Variants in NNMT observed in about 807,000 individuals in gnomAD.
NNMT encodes the protein nicotinamide N-methyltransferase.
In NNMT, 10 loss-of-function variants were observed where a neutral mutation model predicts 11.7. The observed-to-expected ratio is 0.85, with a 90% CI of 0.53 to 1.45. The LOEUF is 1.45. Among genes scored for constraint, NNMT ranks in the 40% most tolerant of loss-of-function variants. The pLI, the probability that NNMT is intolerant of heterozygous loss-of-function variation, is 0.00. For synonymous variants in NNMT, 143 were observed against 133.8 expected, an observed-to-expected ratio of 1.07 and a Z score of -0.48; for missense variants, 381 against 319.4, an observed-to-expected ratio of 1.19 and a Z score of -1.47.
In NNMT at chr11:114,281,161, T is replaced by G. The variant is rs1007603182; in HGVS notation, c.-129-15267T>G. ...GAGAATTCTTCCAGCCTCTCTCTGC[T>G]GTAGTAAAAACCTCCTTAAAACCCA... On this transcript the variant is annotated intron_variant, in intron 2 of 4. Coordinates refer to the NNMT transcript ENST00000535401. Among the ~76,000 whole-genome samples the G allele has an allele frequency of 9.2e-5, 14 of 152,140 alleles. 1 individual carries two copies. Among genetic ancestry groups the G allele is most frequent in the Admixed American group, 7.9e-4 (12 of 15,282 alleles).
chr11:114,287,176 T>G (rs1945306015), intron 2 of NNMT, among the ~76,000 whole-genome samples: 1 of 152,210 alleles, frequency 6.6e-6, no homozygotes, highest in South Asian at 2.1e-4. Context: ...TGTAGTATCT[T>G]TTCCCTCTCT....
intron 2 of NNMT, among the ~76,000 whole-genome samples, chr11:114,272,034 A>G (rs1945173645): frequency 6.6e-6 from 1 of 152,124 alleles, no homozygotes. Context: ...AACTTCCTTC[A>G]TTGGCTGTTC....
At chr11:114,311,440 C>T (rs1008994177) in intron 2 of NNMT, among the ~76,000 whole-genome samples, 1 of 152,242 alleles carries the variant, frequency 6.6e-6, no homozygotes, top group Non-Finnish European at 1.5e-5. Context: ...AACATACTAT[C>T]TGCAATATTT....
chr11:114,308,837 A>G (rs183464138), intron 2 of NNMT, among the ~76,000 whole-genome samples: 80 of 152,232 alleles, frequency 5.3e-4, no homozygotes, highest in African/African-American at 1.9e-3. Flanking sequence ...CTGTGTGTCC[A>G]AGGACAAGCA....
intron 1 of NNMT, among the ~76,000 whole-genome samples, chr11:114,258,877 G>A (rs751712046): frequency 6.7e-6 from 1 of 149,844 alleles, no homozygotes; most frequent in Non-Finnish European, 1.5e-5. Context: ...CTGTGGGCCT[G>A]TGCGTGTGCT....
intron 2 of NNMT, among the ~76,000 whole-genome samples, chr11:114,309,721 T>C (rs937182585): frequency 6.6e-6 from 1 of 152,204 alleles, no homozygotes; most frequent in African/African-American, 2.4e-5. Context: ...TCACAATCAA[T>C]TTTACAACAT....
At chr11:114,277,406 G>A (rs75217653) in intron 2 of NNMT, among the ~76,000 whole-genome samples, 4,762 of 152,266 alleles carry the variant, frequency 0.031, 103 homozygotes, top group Non-Finnish European at 0.05. Context: ...GAAATGAGTG[G>A]TTCTAAAGAG....
chr11:114,270,199 T>C (rs1157803051), intron 2 of NNMT: 2 of 152,218 alleles, frequency 1.3e-5, no homozygotes, highest in African/African-American at 4.8e-5. Flanking sequence ...GAATATTCCA[T>C]GGGTACCTTG....
chr11:114,311,055 G>A (rs997301811), intron 2 of NNMT, among the ~76,000 whole-genome samples: 2 of 152,294 alleles, frequency 1.3e-5, no homozygotes, highest in African/African-American at 4.8e-5. Flanking sequence ...GTCAGGTGTG[G>A]TGGTGGCTCA....
intron 2 of NNMT, among the ~76,000 whole-genome samples, chr11:114,311,236 G>A (rs945165170): frequency 6.6e-6 from 1 of 152,182 alleles, no homozygotes; most frequent in African/African-American, 2.4e-5. Context: ...GGCTGAGGTG[G>A]GGAGGATCCC....
chr11:114,281,363 T>C (rs763600783), intron 2 of NNMT, among the ~76,000 whole-genome samples: 11 of 152,092 alleles, frequency 7.2e-5, no homozygotes, highest in African/African-American at 2.4e-4. Context: ...CAAGTGGCCA[T>C]TGGAGCATAA....
rs541829313 is a variant in NNMT, at chr11:114,283,271, G to T, written c.-129-13157G>T. ...GGAGTTGGAAACAATCTGGGTATCT[G>T]CTCCTGGGGGTGTGGATAAATAAAT... On this transcript the variant is annotated intron_variant, in intron 2 of 4. Coordinates refer to the NNMT transcript ENST00000535401. Among the ~76,000 whole-genome samples the T allele has an allele frequency of 1.8e-4, 27 of 152,308 alleles. No homozygotes were observed. In the South Asian group the frequency reaches 5.2e-3, roughly 29 times the overall value.
At chr11:114,261,511 G>A (rs1039766403) in intron 1 of NNMT, among the ~76,000 whole-genome samples, 5 of 152,206 alleles carry the variant, frequency 3.3e-5, no homozygotes, top group Non-Finnish European at 4.4e-5. Context: ...TTGAACCCGG[G>A]AGATGGAGGT....
intron 2 of NNMT, among the ~76,000 whole-genome samples, chr11:114,288,547 T>A (rs1312819270): frequency 6.6e-6 from 1 of 152,146 alleles, no homozygotes; most frequent in African/African-American, 2.4e-5. Context: ...AATCACTTTG[T>A]ATTCCTGGGA....
rs761805445 is a variant in NNMT at position 114,312,429 on chromosome 11, C to T, written c.747C>T (p.Asn249=). The change falls in exon 3 of 3, where the codon AAC becomes AAT. Residue 249 remains asparagine (N), a synonymous_variant. Coordinates refer to ENST00000299964, the MANE Select transcript of NNMT (RefSeq NM_006169.3). The part of the protein sequence containing the change: ...SQSYSSTMAN[N]EGLFSLVARK... The stretch of plus-strand genomic sequence containing the variant: ...GTTATTCTTCCACCATGGCCAACAA[C>T]GAAGGACTTTTCTCCCTGGTGGCGA... The T allele has an allele frequency of 1.8e-5, 29 of 1,614,078 alleles. No homozygotes were observed. The highest frequency in any genetic ancestry group is 6.6e-5 in the South Asian group (6 of 91,090).
intron 1 of NNMT, among the ~76,000 whole-genome samples, chr11:114,259,418 G>A (rs990495477): frequency 6.6e-5 from 10 of 151,728 alleles, no homozygotes; most frequent in Admixed American, 6.5e-4. Flanking sequence ...ACCCGTGTCT[G>A]CCGCATGCCA....
intron 1 of NNMT, among the ~76,000 whole-genome samples, chr11:114,262,422 T>C (rs1008957997): frequency 1.3e-5 from 2 of 152,126 alleles, no homozygotes; most frequent in African/African-American, 4.8e-5. Flanking sequence ...GTTCTCATTG[T>C]TCAGCTCCCA....
chr11:114,287,271 A>C (rs1276847031), intron 2 of NNMT, among the ~76,000 whole-genome samples: 3 of 152,128 alleles, frequency 2.0e-5, no homozygotes, highest in African/African-American at 4.8e-5. Context: ...CAAATCTTTT[A>C]TTCATGATTC....
chr11:114,279,344 T>C (rs1264028558), intron 2 of NNMT, among the ~76,000 whole-genome samples: 3 of 152,118 alleles, frequency 2.0e-5, no homozygotes, highest in African/African-American at 7.2e-5. Flanking sequence ...AAGGGGATGA[T>C]GGGAAGCACA....
Sources: gnomAD v4.1 joint callset for allele counts (sites outside exome capture counted in the v4.1 genomes callset) on GRCh38, gnomAD v4.1.1 for gene constraint, MANE v1.5 for transcripts, NCBI Gene and HGNC (gene_info 2026-07-23, HGNC 2026-07-21) for gene names.